GALK1: variants seen among roughly 807,000 people sequenced by gnomAD.
The protein encoded by GALK1 is galactokinase.
A neutral mutation model predicts 38.6 loss-of-function variants in GALK1; 30 were observed. The ratio of observed to expected loss-of-function variants is 0.78; its 90% CI spans 0.58 to 1.05. GALK1 has a LOEUF of 1.05. GALK1 is among the 50% of genes least tolerant of loss of function. The pLI is 0.00. For missense variants in GALK1, 512 were observed against 540.5 expected, an observed-to-expected ratio of 0.95 and a Z score of 0.52; for synonymous variants, 240 against 233.6, an observed-to-expected ratio of 1.03 and a Z score of -0.25.
At position 75,752,293 on chromosome 17, in the gene GALK1, G is replaced by A. The variant is rs867306119; in HGVS notation, c.*23-556C>T. ...CACGGTGAAGGCGCGCAACGGGGCC[G>A]GCTGGGGGCCTGAGCGGGAGGCCAT... is the stretch of plus-strand genomic sequence containing the variant. On this transcript the variant is annotated intron_variant, in intron 8 of 8. Transcript: ENST00000225614. 6.2e-6 allele frequency: 10 copies of A among 1,613,294 alleles called. No individual in the cohort carries two copies. The highest frequency in any genetic ancestry group is 1.6e-4 in the Middle Eastern group (1 of 6,062).
intron 5 of GALK1, among the ~76,000 whole-genome samples, chr17:75,759,918 G>C (rs2061580348): frequency 6.6e-6 from 1 of 152,190 alleles, no homozygotes; most frequent in Non-Finnish European, 1.5e-5. Context: ...ATGGGGTTCA[G>C]ATCCCAGCAC....
At position 75,757,991 on chromosome 17, in the gene GALK1, G is replaced by T; in HGVS notation, c.*65C>A. 1 of 1,563,310 alleles carries T rather than the reference G, an allele frequency of 6.4e-7. No homozygotes were observed. Reference sequence around the variant, plus strand: ...CACCCGGATATGGAAGATGGCACCGGGCACAGAGCCGTGGGACTGGCCTGC... The same window carrying T: ...CACCCGGATATGGAAGATGGCACCGTGCACAGAGCCGTGGGACTGGCCTGC... On this transcript the variant is annotated 3_prime_UTR_variant, in exon 8 of 8. Coordinates refer to ENST00000588479, the MANE Select transcript of GALK1 (RefSeq NM_000154.2).
At chr17:75,756,554 C>T (rs538467153), downstream of GALK1, 68 of 1,613,190 alleles carry the variant, frequency 4.2e-5, no homozygotes, top group South Asian at 5.5e-5. Context: ...GGGCCGAGAG[C>T]GTGAGGGTGT....
chr17:75,763,206 A>G (rs776098323), intron 3 of GALK1, 57 bp from the exon 4 acceptor site: 2 of 1,610,158 alleles, frequency 1.2e-6, no homozygotes, highest in Non-Finnish European at 1.7e-6. Flanking sequence ...AGTGGCTTCA[A>G]TGACACTCCA....
chr17:75,755,605 T>C, downstream of GALK1: 2 of 1,513,626 alleles, frequency 1.3e-6, no homozygotes, highest in South Asian at 2.3e-5. Context: ...AGTGTAGACA[T>C]GCCAGCTGAG....
intron 5 of GALK1, among the ~76,000 whole-genome samples, chr17:75,759,978 A>C (rs2061580627): frequency 6.6e-6 from 1 of 152,252 alleles, no homozygotes; most frequent in Non-Finnish European, 1.5e-5. Flanking sequence ...CTATGGTAGC[A>C]GAATGTGCTT....
chr17:75,752,586 A>G, intron 8 of GALK1: 1 of 1,613,394 alleles, frequency 6.2e-7, no homozygotes, highest in Non-Finnish European at 8.5e-7. Context: ...TGGTGAGTGG[A>G]GACCTGGGAC....
At position 75,762,696 on chromosome 17, in the gene GALK1, G is replaced by A; in HGVS notation, c.793+8C>T. 1.2e-6 allele frequency: 2 copies of A among 1,613,586 alleles called. No homozygotes were observed. The highest frequency in any genetic ancestry group is 1.7e-6 in the Non-Finnish European group (2 of 1,179,966). On this transcript the variant is annotated splice_region_variant and intron_variant, in intron 5 of 7. Coordinates refer to ENST00000588479, the MANE Select transcript of GALK1 (RefSeq NM_000154.2). ...GCCTCCAGGATAGAGCACCCTGGCAGTTCTCACCCTCTAGCTCTTCCAGTT... is the reference window on the plus strand; with the variant it reads ...GCCTCCAGGATAGAGCACCCTGGCAATTCTCACCCTCTAGCTCTTCCAGTT...
chr17:75,752,483 G>A (rs2061391218), intron 8 of GALK1: 2 of 1,613,532 alleles, frequency 1.2e-6, no homozygotes, highest in Admixed American at 1.7e-5. Context: ...TGGACGCCCA[G>A]AGCGGGGAGG....
intron 2 of GALK1, 156 bp downstream of exon 2, chr17:75,763,741 C>A (rs772208555): frequency 6.9e-6 from 6 of 865,890 alleles, no homozygotes; most frequent in Non-Finnish European, 9.2e-6. Context: ...GGCAAGTTCC[C>A]GACCTTCTGG....
At chr17:75,764,903 C>T (rs2061604128) in intron 1 of GALK1, 69 bp downstream of exon 1, 2 of 1,537,096 alleles carry the variant, frequency 1.3e-6, no homozygotes, top group Non-Finnish European at 8.8e-7. Flanking sequence ...CCAGCGTCCC[C>T]GAGGCCCGCC....
chr17:75,755,144 C>T (rs2061466291), downstream of GALK1: 2 of 1,611,772 alleles, frequency 1.2e-6, no homozygotes, highest in Admixed American at 1.7e-5. Context: ...GAAAGGGTTC[C>T]CCCCTTCCAG....
Position 75,758,486 on chromosome 17 carries a change from A to C in GALK1, c.907T>G (p.Phe303Val). 1.3e-6 allele frequency: 2 copies of C among 1,577,580 alleles called. No homozygotes were observed. Among genetic ancestry groups the C allele is most frequent in the Non-Finnish European group, 1.7e-6 (2 of 1,164,162 alleles). The stretch of plus-strand genomic sequence containing the variant: ...TGGCTCTCCACCATGAGGCGGCCAA[A>C]GGCTCTGTAGTCGCCACGTCTCAGG... ...AALRRGDYRA[F>V]GRLMVESHRS... is the part of the protein sequence containing the mutation. Residue 303 changes from phenylalanine (F) to valine (V), a missense_variant, in exon 6 of 8, where the codon TTT (phenylalanine) becomes GTT (valine). Transcript: ENST00000588479.
At chr17:75,756,464 C>T (rs2061505647), downstream of GALK1, 1 of 1,613,274 alleles carries the variant, frequency 6.2e-7, no homozygotes, top group South Asian at 1.1e-5. Context: ...CAACCCTGCC[C>T]AGACCTCGGT....
At chr17:75,753,349 A>T (rs954042973), downstream of GALK1, among the ~76,000 whole-genome samples, 2 of 152,118 alleles carry the variant, frequency 1.3e-5, no homozygotes, top group African/African-American at 4.8e-5. Context: ...CTACCTGCGA[A>T]GCGCTCGGTG....
At chr17:75,761,544 G>C (rs1426921265) in intron 5 of GALK1, among the ~76,000 whole-genome samples, 2 of 149,838 alleles carry the variant, frequency 1.3e-5, no homozygotes, top group African/African-American at 4.9e-5. Context: ...TTGAACCCAG[G>C]AGGTGGAGGA....
downstream of GALK1, chr17:75,753,765 G>A (rs1487492169): frequency 8.3e-6 from 12 of 1,440,750 alleles, no homozygotes; most frequent in East Asian, 3.0e-4. Context: ...TGTTCCCAAG[G>A]CTGCGGCTGG....
chr17:75,761,961 A>G (rs1355609550), intron 5 of GALK1, among the ~76,000 whole-genome samples: 1 of 152,136 alleles, frequency 6.6e-6, no homozygotes, highest in Non-Finnish European at 1.5e-5. Flanking sequence ...CAGAGGTTAC[A>G]GTGAGCTGAG....
intron 2 of GALK1, 167 bp from the exon 3 acceptor site, chr17:75,763,606 C>A (rs1190179957): frequency 2.7e-5 from 21 of 780,124 alleles, no homozygotes; most frequent in Non-Finnish European, 3.8e-5. Context: ...ACCCACTGCC[C>A]TCCATTTTCC....
Sources: allele counts gnomAD v4.1 joint callset (sites outside exome capture counted in the v4.1 genomes callset), GRCh38; gene constraint gnomAD v4.1.1; transcripts MANE v1.5; gene names NCBI Gene and HGNC (gene_info 2026-07-23, HGNC 2026-07-21).